CHRM3: variants seen among roughly 807,000 people sequenced by gnomAD.
The protein encoded by CHRM3 is cholinergic receptor muscarinic 3.
A neutral mutation model predicts 41.8 loss-of-function variants in CHRM3; 11 were observed. The ratio of observed to expected loss-of-function variants is 0.26; its 90% CI spans 0.17 to 0.44. CHRM3 has a LOEUF of 0.44. CHRM3 is among the 20% of genes least tolerant of loss of function. CHRM3 has a pLI of 1.00. For synonymous variants in CHRM3, 297 were observed against 301.4 expected (o/e 0.99, Z 0.15); for missense variants, 571 against 745.4 (o/e 0.77, Z 2.72).
At chr1:239,481,140 T>C (rs1666825958) in intron 1 of CHRM3, among the ~76,000 whole-genome samples, 1 of 152,196 alleles carries the variant, frequency 6.6e-6, no homozygotes, top group Non-Finnish European at 1.5e-5. Context: ...GGAACAATAT[T>C]CATGACATAT....
At chr1:239,512,169 G>A (rs1668966167) in intron 2 of CHRM3, among the ~76,000 whole-genome samples, 1 of 152,160 alleles carries the variant, frequency 6.6e-6, no homozygotes, top group African/African-American at 2.4e-5. Flanking sequence ...ACAGGGGCAT[G>A]TTTTTGGTGA....
At chr1:239,859,135 T>C (rs1675367531) in intron 6 of CHRM3, among the ~76,000 whole-genome samples, 1 of 152,240 alleles carries the variant, frequency 6.6e-6, no homozygotes, top group African/African-American at 2.4e-5. Flanking sequence ...GGTCATGTGG[T>C]AATTCTACGT....
chr1:239,673,980 G>A (rs1343808713), intron 4 of CHRM3, among the ~76,000 whole-genome samples: 3 of 152,006 alleles, frequency 2.0e-5, no homozygotes, highest in South Asian at 2.1e-4. Flanking sequence ...CATGACACTC[G>A]AAGGAAATGC....
chr1:239,588,568 A>G (rs1663683245), intron 3 of CHRM3, among the ~76,000 whole-genome samples: 1 of 152,220 alleles, frequency 6.6e-6, no homozygotes, highest in East Asian at 1.9e-4. Context: ...TGTGAACAAA[A>G]GATGATTTTG....
chr1:239,404,386 AAGAAAGAAAGAAAGAAAGAAAGAAAAAG>A (rs1558195271), intron 1 of CHRM3, among the ~76,000 whole-genome samples: 28 of 82,226 alleles, frequency 3.4e-4, no homozygotes, highest in East Asian at 8.2e-4. Flanking sequence ...GAAAGAAAGA[AAGAAAGAAAGAAAGAAAGAAAGAAAAAG>A]AAAGAAAGAA....
intron 6 of CHRM3, among the ~76,000 whole-genome samples, chr1:239,883,112 A>G (rs1677782884): frequency 6.6e-6 from 1 of 152,226 alleles, no homozygotes; most frequent in African/African-American, 2.4e-5. Context: ...ATTGAAACAC[A>G]CACAACAACA....
intron 5 of CHRM3, among the ~76,000 whole-genome samples, chr1:239,791,937 C>G (rs574334043): frequency 6.6e-6 from 1 of 152,122 alleles, no homozygotes; most frequent in East Asian, 1.9e-4. Flanking sequence ...TGTAAATATA[C>G]GTATTCAGTC....
chr1:239,609,402 T>C (rs1274761391), intron 3 of CHRM3, among the ~76,000 whole-genome samples: 2 of 152,242 alleles, frequency 1.3e-5, no homozygotes, highest in Non-Finnish European at 2.9e-5. Context: ...GTCACCTCCA[T>C]AGACAGTTGG....
At chr1:239,416,060 G>A (rs1332509594) in intron 1 of CHRM3, among the ~76,000 whole-genome samples, 1 of 152,146 alleles carries the variant, frequency 6.6e-6, no homozygotes, top group Admixed American at 6.5e-5. Flanking sequence ...AGGCTCTTCA[G>A]AAACAGAATT....
chr1:239,611,648 T>C (rs1278580088), intron 3 of CHRM3, among the ~76,000 whole-genome samples: 1 of 152,058 alleles, frequency 6.6e-6, no homozygotes, highest in Non-Finnish European at 1.5e-5. Context: ...CTTGATCTCC[T>C]GACCTCGTGA....
intron 3 of CHRM3, among the ~76,000 whole-genome samples, chr1:239,570,347 A>G (rs912310021): frequency 6.6e-6 from 1 of 152,182 alleles, no homozygotes; most frequent in African/African-American, 2.4e-5. Flanking sequence ...ACTGTGAGTC[A>G]GTTAAACCTC....
chr1:239,726,709 C>T (rs922032799), intron 5 of CHRM3, among the ~76,000 whole-genome samples: 16 of 151,920 alleles, frequency 1.1e-4, no homozygotes, highest in Admixed American at 7.2e-4. Flanking sequence ...CCTTAACAAC[C>T]GCTGGCTTAG....
At chr1:239,431,167 T>A (rs2103171507) in intron 1 of CHRM3, among the ~76,000 whole-genome samples, 1 of 152,284 alleles carries the variant, frequency 6.6e-6, no homozygotes, top group African/African-American at 2.4e-5. Flanking sequence ...GTACCTATTA[T>A]GCCAGTCAAA....
intron 5 of CHRM3, among the ~76,000 whole-genome samples, chr1:239,791,715 AG>A (rs1466071898): frequency 6.6e-6 from 1 of 152,192 alleles, no homozygotes; most frequent in Middle Eastern, 3.2e-3. Flanking sequence ...AAGAAAGAAA[AG>A]GGTTGGTGAT....
intron 3 of CHRM3, among the ~76,000 whole-genome samples, chr1:239,584,076 A>G (rs1357787100): frequency 2.7e-5 from 4 of 145,800 alleles, no homozygotes; most frequent in Non-Finnish European, 1.5e-5. Context: ...TATTTTTCTC[A>G]TGTTGGATTC....
chr1:239,623,487 T>A lies in CHRM3; in HGVS notation c.-312-8737T>A, dbSNP rs1207971598. ...ATGGTATTCCATGGTGTATAAGTTT[T>A]TTTTTTTTTAATTTTTTTTTTTTAT... On this transcript the variant is annotated intron_variant, in intron 3 of 6. Transcript: ENST00000676153. Among the ~76,000 whole-genome samples the A allele has an allele frequency of 6.5e-3, 898 of 137,662 alleles. 9 individuals are homozygous for A. The highest frequency in any genetic ancestry group is 9.6e-3 in the Admixed American group (130 of 13,498). The allele number at this position is 137,662 out of a possible 152,430, so 90.3% of individuals were successfully genotyped here.
At chr1:239,773,192 A>C (rs1024558219) in intron 5 of CHRM3, among the ~76,000 whole-genome samples, 1 of 152,164 alleles carries the variant, frequency 6.6e-6, no homozygotes, top group Non-Finnish European at 1.5e-5. Context: ...AGGGGAGTGC[A>C]TACTTGGGTC....
At chr1:239,462,803 A>T (rs1170062155) in intron 1 of CHRM3, among the ~76,000 whole-genome samples, 5 of 152,226 alleles carry the variant, frequency 3.3e-5, no homozygotes, top group Admixed American at 3.3e-4. Flanking sequence ...GCTTCACATT[A>T]TATTAGCACA....
chr1:239,854,141 T>C (rs888024160), intron 6 of CHRM3, among the ~76,000 whole-genome samples: 1 of 152,194 alleles, frequency 6.6e-6, no homozygotes, highest in Non-Finnish European at 1.5e-5. Flanking sequence ...TTTAGAATTT[T>C]GAAACTTAAA....
Sources: allele counts gnomAD v4.1 joint callset (sites outside exome capture counted in the v4.1 genomes callset), GRCh38; gene constraint gnomAD v4.1.1; transcripts MANE v1.5; gene names NCBI Gene and HGNC (gene_info 2026-07-23, HGNC 2026-07-21).